The following LGR5 variants were observed in gnomAD, a reference collection of about 807,000 sequenced individuals.
The protein encoded by LGR5 is leucine rich repeat containing G protein-coupled receptor 5, also known as leucine-rich repeat-containing G protein-coupled receptor 5.
A neutral mutation model predicts 76.7 loss-of-function variants in LGR5; 54 were observed. The ratio of observed to expected loss-of-function variants is 0.70; its 90% confidence interval spans 0.57 to 0.88. The LOEUF is 0.88. Among genes scored for constraint, LGR5 ranks in the 40% least tolerant of loss-of-function variants. LGR5 has a pLI of 0.00. For synonymous variants in LGR5, 406 were observed against 421.9 expected (o/e 0.96, Z 0.46); for missense variants, 1,078 against 1,073.3 (o/e 1.00, Z -0.06).
At chr12:71,530,029 G>A (rs1451019506) in intron 3 of LGR5, among the ~76,000 whole-genome samples, 1 of 150,870 alleles carries the variant, frequency 6.6e-6, no homozygotes, top group Non-Finnish European at 1.5e-5. Context: ...AGTTGCATAT[G>A]AGCATCATGT....
intron 1 of LGR5, among the ~76,000 whole-genome samples, chr12:71,467,554 G>T (rs957704026): frequency 3.3e-5 from 5 of 152,070 alleles, no homozygotes; most frequent in African/African-American, 1.2e-4. Context: ...TGTTTCATTT[G>T]TCTGTTTGTT....
At position 71,520,846 on chromosome 12, in the gene LGR5, C is replaced by T. The variant is rs934380364; in HGVS notation, c.285-3560C>T. Among the ~76,000 whole-genome samples the T allele has an allele frequency of 4.6e-5, 7 of 152,046 alleles. No individual in the cohort carries two copies. The East Asian group carries it at 1.4e-3, about 29-fold the overall frequency. On this transcript the variant is annotated intron_variant, in intron 2 of 17. Transcript: ENST00000266674. ...CAAACCTGCACATTGTGCACATGTA[C>T]CCCAGAACTTAAAGTATAATAAAAA... is the stretch of plus-strand genomic sequence containing the variant.
At chr12:71,579,632 T>C (rs984647398) in intron 15 of LGR5, among the ~76,000 whole-genome samples, 9 of 152,218 alleles carry the variant, frequency 5.9e-5, no homozygotes, top group Admixed American at 2.0e-4. Context: ...GCATTTATCC[T>C]TTGAGTTACA....
At chr12:71,451,230 CAG>C (rs1872238705) in intron 1 of LGR5, among the ~76,000 whole-genome samples, 1 of 152,138 alleles carries the variant, frequency 6.6e-6, no homozygotes, top group African/African-American at 2.4e-5. Context: ...CTTATTTGAA[CAG>C]AGTTTGAATA....
chr12:71,557,028 A>C (rs1877804010), intron 6 of LGR5, among the ~76,000 whole-genome samples: 1 of 152,214 alleles, frequency 6.6e-6, no homozygotes, highest in South Asian at 2.1e-4. Context: ...TCCCTGCTGA[A>C]TGAGAGGATG....
intron 13 of LGR5, among the ~76,000 whole-genome samples, chr12:71,576,928 T>C (rs1028020000): frequency 2.0e-5 from 3 of 152,166 alleles, no homozygotes; most frequent in Non-Finnish European, 4.4e-5. Flanking sequence ...TTTTCTACCT[T>C]CCATACGTTT....
Position 71,583,911 on chromosome 12 carries a change from G to A in LGR5, c.1901G>A (p.Gly634Glu), listed in dbSNP as rs934262969. Residue 634 changes from glycine (G) to glutamate (E), a missense_variant, in exon 18 of 18, where the codon GGG (glycine) becomes GAG (glutamate). Physicochemically the swap from Gly to Glu is moderately conservative, Grantham distance 98. Transcript: ENST00000266674. ...FARHGAWWEN[G>E]VGCHVIGFLS... is the part of the protein sequence containing the mutation. ...CGACATGGTGCCTGGTGGGAGAATGGGGTTGGTTGCCATGTCATTGGTTTT... is the reference window on the plus strand; with the variant it reads ...CGACATGGTGCCTGGTGGGAGAATGAGGTTGGTTGCCATGTCATTGGTTTT... 2.5e-6 allele frequency: 4 copies of A among 1,614,030 alleles called. No homozygotes were observed. The East Asian group carries it at 8.9e-5, about 36-fold the overall frequency.
intron 2 of LGR5, among the ~76,000 whole-genome samples, chr12:71,509,602 T>C (rs1036907545): frequency 8.5e-5 from 13 of 152,116 alleles, no homozygotes; most frequent in South Asian, 2.1e-4. Flanking sequence ...CAGAGTGTAG[T>C]AGAGATGTTG....
At chr12:71,504,278 A>G (rs1343766457) in intron 1 of LGR5, among the ~76,000 whole-genome samples, 1 of 152,138 alleles carries the variant, frequency 6.6e-6, no homozygotes, top group East Asian at 1.9e-4. Flanking sequence ...CACAAAGTTG[A>G]GTTATGTCTA....
At chr12:71,477,399 G>T (rs1873384734) in intron 1 of LGR5, among the ~76,000 whole-genome samples, 1 of 150,192 alleles carries the variant, frequency 6.7e-6, no homozygotes, top group African/African-American at 2.5e-5. Flanking sequence ...TCATTATAAG[G>T]TTTGTAGTTC....
At chr12:71,531,347 A>G (rs1198305109) in intron 3 of LGR5, among the ~76,000 whole-genome samples, 1 of 152,210 alleles carries the variant, frequency 6.6e-6, no homozygotes, top group East Asian at 1.9e-4. Flanking sequence ...GGAATATCTT[A>G]AACAAAAACA....
chr12:71,578,657 A>G lies in LGR5; in HGVS notation c.1281-147A>G, dbSNP rs1406927961. 4.3e-6 allele frequency: 3 copies of G among 689,834 alleles called. No individual in the cohort carries two copies. The African/African-American group carries it at 5.5e-5, about 13-fold the overall frequency. The allele number at this position is 689,834 out of a possible 1,614,324, so 42.7% of individuals were successfully genotyped here. The stretch of plus-strand genomic sequence containing the variant: ...AGAAAAGTTATCAAGAGCTAAACCA[A>G]AATGGTTACTTTTACCATTAAGAGT... On this transcript the variant is annotated intron_variant, in intron 14 of 17. Transcript: ENST00000266674.
intron 17 of LGR5, 76 bp downstream of exon 17, chr12:71,582,615 T>C (rs982646669): frequency 1.9e-5 from 22 of 1,163,162 alleles, no homozygotes; most frequent in African/African-American, 4.5e-5. Flanking sequence ...AATACAGCTA[T>C]ACTTTAAAAG....
At chr12:71,495,703 G>C (rs1017400596) in intron 1 of LGR5, among the ~76,000 whole-genome samples, 1 of 150,870 alleles carries the variant, frequency 6.6e-6, no homozygotes, top group African/African-American at 2.5e-5. Context: ...AAATATCAAG[G>C]CCAGGACTCA....
Position 71,514,905 on chromosome 12 carries a change from AG to A in LGR5, c.285-9499del, listed in dbSNP as rs1241403097. ...AAATTGCAATTTTTCAAGGAGTATT[AG>A]GAAAGATATTTTTTCTCAAATGGGG... On this transcript the variant is annotated intron_variant, in intron 2 of 17. Transcript: ENST00000266674. Among the ~76,000 whole-genome samples, 3 of 152,204 alleles carry A rather than the reference AG, an allele frequency of 2.0e-5. No homozygotes were observed. The East Asian group carries it at 5.8e-4, about 29-fold the overall frequency.
In LGR5 at chr12:71,585,462, G is replaced by A. The variant is rs546651849; in HGVS notation, c.*728G>A. 1 of 152,322 alleles carries A rather than the reference G, an allele frequency of 6.6e-6. No individual in the cohort carries two copies. Among genetic ancestry groups the A allele is most frequent in the Admixed American group, 6.5e-5 (1 of 15,298 alleles). The allele number at this position is 152,322 out of a possible 1,614,324, so 9.4% of individuals were successfully genotyped here. A position where few individuals can be genotyped will look rare whatever the true frequency, so the allele number is the denominator to read the frequency against. The stretch of plus-strand genomic sequence containing the variant: ...ATTGTTACTAAGGCAATCATGCACA[G>A]GTGACGTATGTCTTATCTGATTTGT... On this transcript the variant is annotated 3_prime_UTR_variant, in exon 18 of 18. Coordinates refer to ENST00000266674, the MANE Select transcript of LGR5 (RefSeq NM_003667.4).
intron 16 of LGR5, among the ~76,000 whole-genome samples, chr12:71,581,259 G>C (rs1879080160): frequency 6.6e-6 from 1 of 152,170 alleles, no homozygotes; most frequent in South Asian, 2.1e-4. Flanking sequence ...CCCCACCCCG[G>C]GGTATCTGTC....
intron 1 of LGR5, among the ~76,000 whole-genome samples, chr12:71,480,056 G>A (rs1873519591): frequency 6.6e-6 from 1 of 152,054 alleles, no homozygotes; most frequent in African/African-American, 2.4e-5. Context: ...GCAGAAAGTG[G>A]CCAAACACTT....
At chr12:71,452,012 C>G (rs189792992) in intron 1 of LGR5, among the ~76,000 whole-genome samples, 6 of 152,294 alleles carry the variant, frequency 3.9e-5, no homozygotes, top group Non-Finnish European at 7.3e-5. Context: ...TGGGATAGCC[C>G]CTACATCCCA....
Sources: gnomAD v4.1 joint callset for allele counts (sites outside exome capture counted in the v4.1 genomes callset) on GRCh38, gnomAD v4.1.1 for gene constraint, MANE v1.5 for transcripts, NCBI Gene and HGNC (gene_info 2026-07-23, HGNC 2026-07-21) for gene names.